The following DAO variants were observed in gnomAD, a reference collection of about 807,000 sequenced individuals.
DAO encodes D-amino-acid oxidase.
DAO carries 51 observed loss-of-function variants against 50.1 expected under a neutral mutation model. The ratio of observed to expected loss-of-function variants is 1.02; its 90% confidence interval spans 0.81 to 1.29. The LOEUF (loss-of-function observed/expected upper bound fraction) is 1.29, where lower values mean the gene tolerates loss of function less well. Ranked by LOEUF, DAO falls within the 50% of genes most tolerant of loss-of-function variation. The probability of loss-of-function intolerance (pLI) is 0.00; values close to 1 mark genes in which losing one functional copy is unlikely to be tolerated. For synonymous variants in DAO, 160 were observed against 166.2 expected (o/e 0.96, Z 0.29); for missense variants, 436 against 439.4 (o/e 0.99, Z 0.07).
intron 3 of DAO, among the ~76,000 whole-genome samples, chr12:108,888,732 T>TGTCTGACACTATGCTCTGC (rs1566036147): frequency 4.3e-4 from 65 of 152,164 alleles, no homozygotes; most frequent in African/African-American, 1.5e-3. Context: ...CTATGCTCTG[T>TGTCTGACACTATGCTCTGC]TGTCTGACAC....
intron 8 of DAO, among the ~76,000 whole-genome samples, chr12:108,897,965 T>C (rs1036318201): frequency 6.9e-6 from 1 of 145,396 alleles, no homozygotes; most frequent in Non-Finnish European, 1.5e-5. Context: ...AAAAAAGTGG[T>C]GTGAATGGCA....
Position 108,889,550 on chromosome 12 carries a change from G to A in DAO, c.386+5G>A, listed in dbSNP as rs1024141057. 1.2e-6 allele frequency: 2 copies of A among 1,610,748 alleles called. No individual in the cohort carries two copies. Among genetic ancestry groups the A allele is most frequent in the African/African-American group, 2.7e-5 (2 of 74,846 alleles). ...GGATATGTTCCCAGATTACGGGTGA[G>A]TTTATTGTCACAGGCAAAGGGGACT... On this transcript the variant is annotated splice_donor_5th_base_variant and intron_variant, in intron 4 of 10. Coordinates refer to ENST00000228476, the MANE Select transcript of DAO (RefSeq NM_001917.5).
At chr12:108,887,319 G>A in intron 2 of DAO, 131 bp from the exon 3 acceptor site, 2 of 773,712 alleles carry the variant, frequency 2.6e-6, no homozygotes, top group Admixed American at 1.7e-5. Context: ...TTGCAGGAGT[G>A]AACGTGGTGG....
chr12:108,897,030 T>G lies in DAO; in HGVS notation c.637T>G (p.Phe213Val). 6.2e-7 allele frequency: 1 copy of G among 1,614,000 alleles called. No homozygotes were observed. The highest frequency in any genetic ancestry group is 8.5e-7 in the Non-Finnish European group (1 of 1,179,934). The change falls in exon 8 of 11, where the codon TTC becomes GTC. Residue 213 changes from phenylalanine (F) to valine (V), a missense_variant. Physicochemically the swap from Phe to Val is conservative, Grantham distance 50. Coordinates refer to ENST00000228476, the MANE Select transcript of DAO (RefSeq NM_001917.5). Reference sequence around the variant, plus strand: ...GGTGGACGCCCCTTGGATGAAGCACTTCATTCTCACCCATGACCCAGAGAG... The same window carrying G: ...GGTGGACGCCCCTTGGATGAAGCACGTCATTCTCACCCATGACCCAGAGAG... ...MKVDAPWMKH[F>V]ILTHDPERGI... is the part of the protein sequence containing the mutation.
Position 108,900,507 on chromosome 12 carries a change from T to G in DAO, c.1016T>G (p.Leu339Trp), listed in dbSNP as rs777596901. ...LFGRILEEKK[L>W]SRMPPSHL ...GGGAGAATCCTGGAAGAAAAGAAAT[T>G]GTCCAGAATGCCACCATCCCACCTC... Residue 339 changes from leucine (L) to tryptophan (W), a missense_variant, in exon 11 of 11, where the codon TTG becomes TGG. Transcript: ENST00000228476. 3.1e-6 allele frequency: 5 copies of G among 1,614,090 alleles called. No individual in the cohort carries two copies. In the South Asian group the frequency reaches 5.5e-5, roughly 18 times the overall value.
intron 2 of DAO, among the ~76,000 whole-genome samples, chr12:108,885,794 G>A (rs776789033): frequency 9.2e-5 from 14 of 151,840 alleles, no homozygotes; most frequent in African/African-American, 2.4e-4. Flanking sequence ...CACTCTTGTC[G>A]CCCAGACTGG....
intron 5 of DAO, among the ~76,000 whole-genome samples, chr12:108,890,702 G>T (rs6539460): frequency 0.39 from 59,932 of 151,944 alleles, 14,426 homozygotes; most frequent in African/African-American, 0.65. Flanking sequence ...ATAGTGGATG[G>T]CTTTGACTTG....
intron 2 of DAO, 29 bp downstream of exon 2, chr12:108,885,229 G>A (rs888122586): frequency 6.2e-7 from 1 of 1,603,560 alleles, no homozygotes; most frequent in African/African-American, 1.3e-5. Flanking sequence ...GGGTAGCCTG[G>A]GGTGCCCATG....
At position 108,887,468 on chromosome 12, in the gene DAO, C is replaced by T. The variant is rs767409836; in HGVS notation, c.213C>T (p.Thr71=). Residue 71 remains threonine (T), a synonymous_variant, in exon 3 of 11, where the codon ACC becomes ACT. Coordinates refer to ENST00000228476, the MANE Select transcript of DAO (RefSeq NM_001917.5). ...NPQEADWSQQ[T]FDYLLSHVHS... Reference sequence around the variant, plus strand: ...CTTCCAGGGACTGGAGCCAACAGACCTTTGACTATCTCCTGAGCCATGTCC... The same window carrying T: ...CTTCCAGGGACTGGAGCCAACAGACTTTTGACTATCTCCTGAGCCATGTCC... 2.5e-6 allele frequency: 4 copies of T among 1,613,894 alleles called. No homozygotes were observed. The highest frequency in any genetic ancestry group is 1.1e-5 in the South Asian group (1 of 91,080).
rs756643610 is a variant in DAO, at chr12:108,898,682, CCAGA to C, written c.703_706del (p.Thr235LeufsTer15). 1.2e-6 allele frequency: 2 copies of C among 1,606,430 alleles called. No homozygotes were observed. Among genetic ancestry groups the C allele is most frequent in the Non-Finnish European group, 8.5e-7 (1 of 1,173,088 alleles). On this transcript the variant is annotated frameshift_variant, in exon 9 of 11. Transcript: ENST00000228476. LOFTEE classifies it high-confidence loss of function. ...GACCCTCCTCATTTGTATCTAGGAC[CCAGA>C]CAGTTACTCTTGGAGGCATCTTCCA...
chr12:108,892,698 C>T (rs1809698377), intron 5 of DAO, among the ~76,000 whole-genome samples: 2 of 152,192 alleles, frequency 1.3e-5, no homozygotes, highest in African/African-American at 4.8e-5. Context: ...TGAGTTCCAA[C>T]TCCATCATTG....
At chr12:108,880,949 C>G (rs1008126106) in intron 1 of DAO, among the ~76,000 whole-genome samples, 1 of 152,038 alleles carries the variant, frequency 6.6e-6, no homozygotes, top group African/African-American at 2.4e-5. Flanking sequence ...GAATGCTGTC[C>G]CATACTGACT....
Position 108,891,839 on chromosome 12 carries a change from A to G in DAO, c.453-1143A>G, listed in dbSNP as rs535504065. 3.3e-5 allele frequency among the ~76,000 whole-genome samples: 5 copies of G among 152,252 alleles called. 1 individual carries two copies. The highest frequency in any genetic ancestry group is 1.2e-4 in the African/African-American group (5 of 41,534). Reference sequence around the variant, plus strand: ...GGTCTCAAACCCCTGGGCTCAAGCAATCTTCCTGCCTCAGCCTCCCAAAGT... The same window carrying G: ...GGTCTCAAACCCCTGGGCTCAAGCAGTCTTCCTGCCTCAGCCTCCCAAAGT... On this transcript the variant is annotated intron_variant, in intron 5 of 10. Coordinates refer to ENST00000228476, the MANE Select transcript of DAO (RefSeq NM_001917.5).
intron 3 of DAO, among the ~76,000 whole-genome samples, chr12:108,888,874 A>G (rs1441395629): frequency 6.6e-6 from 1 of 152,180 alleles, no homozygotes; most frequent in Non-Finnish European, 1.5e-5. Context: ...GGTTAAGAAC[A>G]TGAACTCTGG....
chr12:108,884,808 C>T (rs962069855), intron 1 of DAO, among the ~76,000 whole-genome samples, 190 bp from the exon 2 acceptor site: 6 of 152,166 alleles, frequency 3.9e-5, no homozygotes, highest in African/African-American at 1.2e-4. Flanking sequence ...CTTCTCCATA[C>T]CTCAGTGTTT....
chr12:108,885,127 C>A lies in DAO; in HGVS notation c.121C>A (p.Pro41Thr), dbSNP rs1158018149. 6.2e-7 allele frequency: 1 copy of A among 1,613,298 alleles called. No individual in the cohort carries two copies. The highest frequency in any genetic ancestry group is 8.5e-7 in the Non-Finnish European group (1 of 1,179,338). The change falls in exon 2 of 11, where the codon CCA (proline) becomes ACA (threonine). Residue 41 changes from proline (P) to threonine (T), a missense_variant. Physicochemically the swap from Pro to Thr is conservative, Grantham distance 38. Transcript: ENST00000228476. ...DIKVYADRFT[P>T]LTTTDVAAGL... Reference sequence around the variant, plus strand: ...AAAGGTCTACGCGGACCGCTTCACCCCACTCACCACCACCGACGTGGCTGC... The same window carrying A: ...AAAGGTCTACGCGGACCGCTTCACCACACTCACCACCACCGACGTGGCTGC...
intron 1 of DAO, among the ~76,000 whole-genome samples, chr12:108,882,572 C>G (rs1044062937): frequency 3.3e-5 from 5 of 152,076 alleles, no homozygotes; most frequent in African/African-American, 1.2e-4. Context: ...ACCAACTCAT[C>G]CTGGTTTGCC....
intron 1 of DAO, 86 bp from the exon 2 acceptor site, chr12:108,884,912 T>C: frequency 3.1e-6 from 4 of 1,295,050 alleles, no homozygotes; most frequent in Non-Finnish European, 4.5e-6. Flanking sequence ...TGGCACCTTC[T>C]AAGCCTTCAG....
intron 7 of DAO, among the ~76,000 whole-genome samples, chr12:108,896,625 T>A (rs2039563353): frequency 6.6e-6 from 1 of 152,020 alleles, no homozygotes; most frequent in African/African-American, 2.4e-5. Flanking sequence ...CGGACCTCCC[T>A]TCCCCCCGCA....
Sources: allele counts gnomAD v4.1 joint callset (sites outside exome capture counted in the v4.1 genomes callset), GRCh38; gene constraint gnomAD v4.1.1; transcripts MANE v1.5; gene names NCBI Gene and HGNC (gene_info 2026-07-23, HGNC 2026-07-21).